The following SNTG1 variants were observed in gnomAD, a reference collection of about 807,000 sequenced individuals.
SNTG1 encodes the protein gamma-1-syntrophin.
SNTG1 carries 39 observed loss-of-function variants against 74.7 expected under a neutral mutation model. The observed-to-expected ratio is 0.52, with a 90% CI of 0.40 to 0.68. SNTG1 has a LOEUF of 0.68. Ranked by LOEUF, SNTG1 falls within the 30% of genes least tolerant of loss-of-function variation. The pLI is 0.00. For missense variants in SNTG1, 685 were observed against 609.5 expected (o/e 1.12, Z -1.30); for synonymous variants, 254 against 217.1 (o/e 1.17, Z -1.49).
intron 2 of SNTG1, among the ~76,000 whole-genome samples, chr8:50,267,358 A>G (rs945622530): frequency 1.3e-5 from 2 of 152,330 alleles, no homozygotes; most frequent in South Asian, 2.1e-4. Context: ...AAGCATTTGA[A>G]TAGATATTTC....
At chr8:50,592,762 T>C (rs1010771820) in intron 13 of SNTG1, among the ~76,000 whole-genome samples, 7 of 152,352 alleles carry the variant, frequency 4.6e-5, no homozygotes, top group Non-Finnish European at 1.0e-4. Context: ...TTTCAGATTT[T>C]ATTTCAATTA....
Position 50,704,772 on chromosome 8 carries a change from C to G in SNTG1, c.1191+20C>G. The G allele has an allele frequency of 6.2e-7, 1 of 1,613,116 alleles. No homozygotes were observed. The highest frequency in any genetic ancestry group is 8.5e-7 in the Non-Finnish European group (1 of 1,179,388). On this transcript the variant is annotated intron_variant, in intron 16 of 18. Transcript: ENST00000642720. ...ATACAGGTGAGAGTCTGTGGGACTGCAGGATGTGTGGCTCCCTCAGATGCA... is the reference window on the plus strand; with the variant it reads ...ATACAGGTGAGAGTCTGTGGGACTGGAGGATGTGTGGCTCCCTCAGATGCA...
intron 2 of SNTG1, among the ~76,000 whole-genome samples, chr8:50,327,579 A>C (rs972694730): frequency 5.9e-5 from 9 of 152,118 alleles, no homozygotes; most frequent in African/African-American, 2.2e-4. Flanking sequence ...TATAAAAAAC[A>C]TATAGTTGAT....
At chr8:50,099,801 C>G (rs1664296768) in intron 1 of SNTG1, among the ~76,000 whole-genome samples, 4 of 152,102 alleles carry the variant, frequency 2.6e-5, no homozygotes, top group Admixed American at 2.6e-4. Flanking sequence ...AATGGCTAAT[C>G]AGAGCATTTG....
chr8:50,744,213 C>T (rs750187387), intron 17 of SNTG1, among the ~76,000 whole-genome samples: 1 of 151,940 alleles, frequency 6.6e-6, no homozygotes, highest in Non-Finnish European at 1.5e-5. Context: ...CCTGTTTTGG[C>T]TAATACATAA....
chr8:50,498,054 A>G (rs2093919170), intron 8 of SNTG1, among the ~76,000 whole-genome samples: 1 of 151,978 alleles, frequency 6.6e-6, no homozygotes, highest in South Asian at 2.1e-4. Context: ...CTGATTAAAA[A>G]TACAGCTGCT....
At chr8:50,316,171 G>A (rs894466278) in intron 2 of SNTG1, among the ~76,000 whole-genome samples, 5 of 152,076 alleles carry the variant, frequency 3.3e-5, no homozygotes, top group African/African-American at 9.7e-5. Flanking sequence ...AAACAATGAG[G>A]TAAAATACAA....
intron 13 of SNTG1, among the ~76,000 whole-genome samples, chr8:50,608,686 TTCAG>T (rs2094829972): frequency 6.6e-6 from 1 of 151,916 alleles, no homozygotes; most frequent in Non-Finnish European, 1.5e-5. Flanking sequence ...ATTAAGGTGT[TTCAG>T]TCAATCACAT....
At chr8:50,015,514 A>T (rs1461131010) in intron 1 of SNTG1, among the ~76,000 whole-genome samples, 3 of 144,912 alleles carry the variant, frequency 2.1e-5, no homozygotes, top group Non-Finnish European at 1.5e-5. Context: ...AAATTTGTGT[A>T]AAAAAATGTT....
At chr8:50,603,618 G>C (rs1290783420) in intron 13 of SNTG1, among the ~76,000 whole-genome samples, 4 of 152,048 alleles carry the variant, frequency 2.6e-5, no homozygotes, top group Non-Finnish European at 5.9e-5. Context: ...ATTTATTGTA[G>C]TCCTCACAGT....
At chr8:50,577,397 G>C (rs972708466) in intron 12 of SNTG1, among the ~76,000 whole-genome samples, 7 of 149,376 alleles carry the variant, frequency 4.7e-5, no homozygotes, top group African/African-American at 1.7e-4. Flanking sequence ...CACTTTCTTA[G>C]TATTTTGTTG....
intron 2 of SNTG1, among the ~76,000 whole-genome samples, chr8:50,335,848 T>C (rs1256241712): frequency 6.6e-6 from 1 of 151,448 alleles, no homozygotes; most frequent in East Asian, 1.9e-4. Flanking sequence ...TTATTTTATT[T>C]TATTTTATTT....
intron 2 of SNTG1, among the ~76,000 whole-genome samples, chr8:50,369,380 T>C (rs1404847260): frequency 6.6e-6 from 1 of 152,144 alleles, no homozygotes; most frequent in Non-Finnish European, 1.5e-5. Context: ...GTGGATCACA[T>C]GAGGTTGAGA....
chr8:50,202,185 C>G (rs1367913731), intron 2 of SNTG1, among the ~76,000 whole-genome samples: 1 of 151,930 alleles, frequency 6.6e-6, no homozygotes, highest in Non-Finnish European at 1.5e-5. Flanking sequence ...CCTGGGATAC[C>G]CAATCCTCCT....
At chr8:49,937,987 C>T (rs978157764) in intron 1 of SNTG1, among the ~76,000 whole-genome samples, 4 of 152,034 alleles carry the variant, frequency 2.6e-5, no homozygotes, top group Admixed American at 1.3e-4. Context: ...TATCAGTGAT[C>T]AGTCTTAAAT....
intron 2 of SNTG1, among the ~76,000 whole-genome samples, chr8:50,309,849 C>A (rs1401589781): frequency 6.6e-6 from 1 of 152,160 alleles, no homozygotes; most frequent in East Asian, 1.9e-4. Context: ...TTTATTGCAA[C>A]AACAAATTAA....
At chr8:50,703,189 C>T (rs1419211091) in intron 15 of SNTG1, among the ~76,000 whole-genome samples, 1 of 152,120 alleles carries the variant, frequency 6.6e-6, no homozygotes, top group African/African-American at 2.4e-5. Flanking sequence ...ATTTTTTCAA[C>T]TTTGGCCTTT....
In SNTG1 at chr8:50,478,639, G is replaced by T. The variant is rs115889785; in HGVS notation, c.364-24139G>T. Among the ~76,000 whole-genome samples, 757 of 152,218 alleles carry T rather than the reference G, an allele frequency of 5.0e-3. 14 individuals are homozygous for T. The highest frequency in any genetic ancestry group is 0.017 in the African/African-American group (727 of 41,552). ...CTTTCCTTCTCTTTCTGTGAGTAAA[G>T]TAGTGCATGTGTGTGGCTGAAACTA... On this transcript the variant is annotated intron_variant, in intron 8 of 18. Coordinates refer to ENST00000642720, the MANE Select transcript of SNTG1 (RefSeq NM_018967.5).
At chr8:50,352,598 T>C (rs1038101144) in intron 2 of SNTG1, among the ~76,000 whole-genome samples, 12 of 151,732 alleles carry the variant, frequency 7.9e-5, no homozygotes, top group Admixed American at 6.6e-4. Context: ...ACCATGTTAG[T>C]CAGGCTGGTC....
Sources: gnomAD v4.1 joint callset for allele counts (sites outside exome capture counted in the v4.1 genomes callset) on GRCh38, gnomAD v4.1.1 for gene constraint, MANE v1.5 for transcripts, NCBI Gene and HGNC (gene_info 2026-07-23, HGNC 2026-07-21) for gene names.